GOPC: variants seen among roughly 807,000 people sequenced by gnomAD.
GOPC encodes the protein golgi associated PDZ and coiled-coil motif containing.
Under a neutral mutation model 51.2 loss-of-function variants are expected in GOPC, and 32 were observed. That is an observed-to-expected ratio of 0.63 (90% CI 0.47 to 0.84). The LOEUF (loss-of-function observed/expected upper bound fraction) is 0.84. GOPC is among the 40% of genes least tolerant of loss of function. GOPC has a pLI of 0.00. For missense variants in GOPC, 441 were observed against 555.5 expected (o/e 0.79, Z 2.07); for synonymous variants, 190 against 205.1 (o/e 0.93, Z 0.63).
intron 1 of GOPC, among the ~76,000 whole-genome samples, chr6:117,585,737 A>C (rs767467018): frequency 6.6e-6 from 1 of 152,204 alleles, no homozygotes; most frequent in Non-Finnish European, 1.5e-5. Context: ...CAGATTCTGA[A>C]CCCCATACAC....
intron 6 of GOPC, among the ~76,000 whole-genome samples, chr6:117,570,176 G>T (rs957746887): frequency 2.0e-5 from 3 of 151,112 alleles, no homozygotes; most frequent in African/African-American, 4.9e-5. Flanking sequence ...TGTGTGTAGG[G>T]GTGTGTGTGT....
intron 1 of GOPC, among the ~76,000 whole-genome samples, chr6:117,590,983 G>C (rs1780108307): frequency 6.6e-6 from 1 of 152,282 alleles, no homozygotes; most frequent in Non-Finnish European, 1.5e-5. Flanking sequence ...CTCCCGAGTA[G>C]CTGGGATTAC....
At chr6:117,590,252 G>T (rs1218648089) in intron 1 of GOPC, among the ~76,000 whole-genome samples, 1 of 152,174 alleles carries the variant, frequency 6.6e-6, no homozygotes, top group Non-Finnish European at 1.5e-5. Flanking sequence ...ATGGATTCTA[G>T]AAGTTTTCTA....
In GOPC at chr6:117,563,069, T is replaced by C. The variant is rs1562135249; in HGVS notation, c.*185A>G. 3.6e-6 allele frequency: 2 copies of C among 560,896 alleles called. No individual in the cohort carries two copies. The highest frequency in any genetic ancestry group is 6.3e-6 in the Non-Finnish European group (2 of 317,860). 34.7% of individuals were successfully genotyped at this position (560,896 alleles called of 1,614,324 possible). On this transcript the variant is annotated 3_prime_UTR_variant, in exon 9 of 9. Transcript: ENST00000368498. ...TTGCTTTACATGCAATAGCTAATTA[T>C]GGTCTACCACAGAAAACAGGGTGTT...
intron 1 of GOPC, among the ~76,000 whole-genome samples, chr6:117,594,651 A>G (rs1780166891): frequency 6.6e-6 from 1 of 152,214 alleles, no homozygotes; most frequent in African/African-American, 2.4e-5. Flanking sequence ...CAGCCTATTT[A>G]AAAACAGGAC....
At chr6:117,578,746 G>C (rs1779917660) in intron 2 of GOPC, 154 bp downstream of exon 2, 1 of 439,114 alleles carries the variant, frequency 2.3e-6, no homozygotes, top group Non-Finnish European at 3.9e-6. Flanking sequence ...TGAGATTGTA[G>C]ATTATCATAA....
At position 117,587,900 on chromosome 6, in the gene GOPC, G is replaced by T. The variant is rs375089970; in HGVS notation, c.286-8836C>A. Among the ~76,000 whole-genome samples, 3 of 151,744 alleles carry T rather than the reference G, an allele frequency of 2.0e-5. No individual in the cohort carries two copies. In the East Asian group the frequency reaches 5.8e-4, roughly 29 times the overall value. ...TTTACTTTTTTTTTTTTGAGACAAG[G>T]TCTCACTGTGTTGTCCAAGCTGGGC... On this transcript the variant is annotated intron_variant, in intron 1 of 8. Transcript: ENST00000368498.
rs2114595134 is a variant in GOPC at position 117,561,394 on chromosome 6, ATCCCAGGCTG to A, written c.*1850_*1859del. The A allele has an allele frequency of 4.5e-6, 1 of 224,436 alleles. No homozygotes were observed. Among genetic ancestry groups the A allele is most frequent in the East Asian group, 6.4e-5 (1 of 15,520 alleles). 13.9% of individuals were successfully genotyped at this position (224,436 alleles called of 1,614,324 possible). ...CTGAAAAAAATGCCATGGCCATTCC[ATCCCAGGCTG>A]TGTTTTAAGAAGATAAGAATAACAT... On this transcript the variant is annotated 3_prime_UTR_variant, in exon 9 of 9. Transcript: ENST00000368498.
chr6:117,581,257 G>C (rs1211645187), intron 1 of GOPC, among the ~76,000 whole-genome samples: 1 of 152,148 alleles, frequency 6.6e-6, no homozygotes, highest in Non-Finnish European at 1.5e-5. Context: ...AAGAAAAGAA[G>C]TAGCATGCTA....
chr6:117,583,845 T>C (rs1468662943), intron 1 of GOPC, among the ~76,000 whole-genome samples: 1 of 152,192 alleles, frequency 6.6e-6, no homozygotes, highest in Non-Finnish European at 1.5e-5. Flanking sequence ...TTTAACAAAG[T>C]GTTATCCTTC....
intron 2 of GOPC, 125 bp from the exon 3 acceptor site, chr6:117,577,596 A>G (rs1354365203): frequency 2.9e-6 from 2 of 693,514 alleles, no homozygotes; most frequent in East Asian, 5.6e-5. Context: ...GTTCATTAGA[A>G]CAAATATATT....
At chr6:117,598,165 C>T (rs1048175865) in intron 1 of GOPC, among the ~76,000 whole-genome samples, 1 of 148,208 alleles carries the variant, frequency 6.7e-6, no homozygotes, top group Non-Finnish European at 1.5e-5. Context: ...TCAAGACCAG[C>T]CTAAGCAACA....
Position 117,573,526 on chromosome 6 carries a change from TCA to T in GOPC, c.755_756del (p.Val252AspfsTer8). 1 of 1,614,100 alleles carries T rather than the reference TCA, an allele frequency of 6.2e-7. No individual in the cohort carries two copies. Among genetic ancestry groups the T allele is most frequent in the South Asian group, 1.1e-5 (1 of 91,058 alleles). On this transcript the variant is annotated frameshift_variant, in exon 5 of 9. Transcript: ENST00000368498. LOFTEE classifies it high-confidence loss of function. ...AEIHLHRHKT[V>X]IRACRGRNDL... ...TCATTACGTCCTCTGCAGGCTCGGA[TCA>T]CAGTTTTGTGACGATGCAAATGTAT...
At chr6:117,597,307 G>A (rs1250756794) in intron 1 of GOPC, among the ~76,000 whole-genome samples, 1 of 151,992 alleles carries the variant, frequency 6.6e-6, no homozygotes, top group East Asian at 1.9e-4. Flanking sequence ...GGGCTTTGTA[G>A]GTATACTATC....
intron 7 of GOPC, 35 bp from the exon 8 acceptor site, chr6:117,567,069 A>G: frequency 6.9e-7 from 1 of 1,451,090 alleles, no homozygotes; most frequent in Non-Finnish European, 9.2e-7. Context: ...AAGTCAAGTT[A>G]TTGTAATTGT....
chr6:117,572,338 C>G (rs907080757), intron 5 of GOPC, among the ~76,000 whole-genome samples: 11 of 152,108 alleles, frequency 7.2e-5, no homozygotes, highest in Admixed American at 5.9e-4. Flanking sequence ...CCTCTCAAAT[C>G]TATCCTTCTT....
At chr6:117,598,251 G>A (rs1181658024) in intron 1 of GOPC, among the ~76,000 whole-genome samples, 4 of 151,668 alleles carry the variant, frequency 2.6e-5, no homozygotes, top group African/African-American at 9.7e-5. Flanking sequence ...GCTCATGCCT[G>A]TAGTCCAAGC....
At chr6:117,565,555 T>C (rs1779679553) in intron 8 of GOPC, among the ~76,000 whole-genome samples, 1 of 152,208 alleles carries the variant, frequency 6.6e-6, no homozygotes. Flanking sequence ...TGAAGTTATG[T>C]AGCAATTCCA....
chr6:117,583,435 G>A (rs1275702542), intron 1 of GOPC, among the ~76,000 whole-genome samples: 5 of 152,146 alleles, frequency 3.3e-5, no homozygotes, highest in Admixed American at 1.3e-4. Context: ...AGCTCATTAC[G>A]TTAATAGTTT....
Sources: allele counts gnomAD v4.1 joint callset (sites outside exome capture counted in the v4.1 genomes callset), GRCh38; gene constraint gnomAD v4.1.1; transcripts MANE v1.5; gene names NCBI Gene and HGNC (gene_info 2026-07-23, HGNC 2026-07-21).